SYT14: variants seen among roughly 807,000 people sequenced by gnomAD.
SYT14 encodes the protein synaptotagmin-14.
A neutral mutation model predicts 74.2 loss-of-function variants in SYT14; 32 were observed. The observed-to-expected ratio is 0.43, with a 90% CI of 0.33 to 0.58. The LOEUF (loss-of-function observed/expected upper bound fraction) is 0.58. Among genes scored for constraint, SYT14 ranks in the 20% least tolerant of loss-of-function variants. The pLI is 0.05. For missense variants in SYT14, 791 were observed against 981.8 expected, an observed-to-expected ratio of 0.81 and a Z score of 2.60; for synonymous variants, 298 against 337.7, an observed-to-expected ratio of 0.88 and a Z score of 1.29.
chr1:210,113,803 C>A (rs968554202), intron 7 of SYT14, among the ~76,000 whole-genome samples: 13 of 151,086 alleles, frequency 8.6e-5, no homozygotes, highest in Non-Finnish European at 1.5e-5. Context: ...GGGAGCTGGG[C>A]AGGTGGGGAT....
intron 5 of SYT14, among the ~76,000 whole-genome samples, chr1:210,039,639 A>G (rs2080743449): frequency 6.6e-6 from 1 of 152,218 alleles, no homozygotes; most frequent in Non-Finnish European, 1.5e-5. Flanking sequence ...TGTCCATCTG[A>G]CAAAGGACTA....
At chr1:210,164,484 G>T (rs2102738184) in exon 10 of SYT14, 1 of 163,462 alleles carries the variant, frequency 6.1e-6, no homozygotes, top group African/African-American at 2.4e-5. Flanking sequence ...TGCAAAGTAA[G>T]ATAGTACCAA....
chr1:210,045,813 A>G (rs2080873762), intron 5 of SYT14, among the ~76,000 whole-genome samples: 2 of 152,172 alleles, frequency 1.3e-5, no homozygotes, highest in Admixed American at 1.3e-4. Context: ...TATTCTAGGT[A>G]TAATATTTTT....
At chr1:210,058,867 A>AT (rs2081148155) in intron 5 of SYT14, among the ~76,000 whole-genome samples, 2 of 152,174 alleles carry the variant, frequency 1.3e-5, no homozygotes, top group African/African-American at 4.8e-5. Context: ...AGTAAAGAGG[A>AT]TTAAAAGTGC....
At chr1:210,033,727 T>A (rs1266320499) in intron 5 of SYT14, among the ~76,000 whole-genome samples, 1 of 151,814 alleles carries the variant, frequency 6.6e-6, no homozygotes, top group African/African-American at 2.4e-5. Flanking sequence ...TTTAGCTTTT[T>A]ATAATTTAAC....
intron 7 of SYT14, among the ~76,000 whole-genome samples, chr1:210,136,268 A>C (rs945831154): frequency 6.6e-6 from 1 of 152,090 alleles, no homozygotes; most frequent in Non-Finnish European, 1.5e-5. Flanking sequence ...GTGTGTGTGT[A>C]TGCGTGCATG....
intron 5 of SYT14, among the ~76,000 whole-genome samples, chr1:210,049,401 T>C (rs760641748): frequency 6.6e-6 from 1 of 152,030 alleles, no homozygotes; most frequent in Non-Finnish European, 1.5e-5. Context: ...TTTTTTTTTT[T>C]TAATCTTTTA....
chr1:210,164,495 T>G (rs911653771), exon 10 of SYT14: 1 of 159,232 alleles, frequency 6.3e-6, no homozygotes, highest in African/African-American at 2.4e-5. Flanking sequence ...ATAGTACCAA[T>G]AGGAGAAAGA....
chr1:210,015,220 A>G (rs947222995), intron 3 of SYT14, among the ~76,000 whole-genome samples: 3 of 152,138 alleles, frequency 2.0e-5, no homozygotes, highest in South Asian at 2.1e-4. Flanking sequence ...CTGCCTCTAC[A>G]TTCAATCTGT....
intron 2 of SYT14, among the ~76,000 whole-genome samples, chr1:209,955,111 G>T (rs1284727732): frequency 6.6e-6 from 1 of 152,080 alleles, no homozygotes; most frequent in African/African-American, 2.4e-5. Flanking sequence ...GTTTGGTCCT[G>T]GGCTTACTTC....
chr1:210,013,919 G>GT, intron 3 of SYT14, 122 bp downstream of exon 3: 1 of 956,126 alleles, frequency 1.0e-6, no homozygotes, highest in South Asian at 1.9e-5. Flanking sequence ...TTGAGCTACT[G>GT]TTCTGTAAAA....
chr1:209,968,131 T>C (rs891030259), intron 2 of SYT14, among the ~76,000 whole-genome samples: 4 of 152,146 alleles, frequency 2.6e-5, no homozygotes, highest in African/African-American at 9.7e-5. Flanking sequence ...ATCAGGTGCT[T>C]ATATCTATGC....
exon 10 of SYT14, chr1:210,161,954 T>C (rs1021464926): frequency 4.4e-6 from 2 of 453,668 alleles, no homozygotes; most frequent in Non-Finnish European, 8.8e-6. Context: ...GTAGATAAGC[T>C]GTCGAAAATG....
At chr1:210,060,810 T>C (rs935087323) in intron 5 of SYT14, among the ~76,000 whole-genome samples, 1 of 152,090 alleles carries the variant, frequency 6.6e-6, no homozygotes, top group Non-Finnish European at 1.5e-5. Flanking sequence ...TCTCCAGCTT[T>C]AATTGGCAGT....
At chr1:210,078,992 C>A (rs1472714715) in intron 5 of SYT14, among the ~76,000 whole-genome samples, 2 of 151,882 alleles carry the variant, frequency 1.3e-5, no homozygotes, top group Non-Finnish European at 2.9e-5. Flanking sequence ...TGAGCTCAAG[C>A]GATCAGCCCG....
intron 5 of SYT14, among the ~76,000 whole-genome samples, chr1:210,050,877 C>T (rs973381636): frequency 2.0e-5 from 3 of 152,182 alleles, no homozygotes; most frequent in African/African-American, 7.2e-5. Flanking sequence ...AGTTACCATT[C>T]AAGATGAGAT....
intron 5 of SYT14, among the ~76,000 whole-genome samples, chr1:210,061,006 A>G (rs192933626): frequency 2.7e-5 from 4 of 150,324 alleles, no homozygotes; most frequent in African/African-American, 1.0e-4. Context: ...CTGAAAAGAT[A>G]TGTTTTGTTT....
At chr1:209,978,413 T>G (rs1336944422) in intron 2 of SYT14, among the ~76,000 whole-genome samples, 1 of 152,212 alleles carries the variant, frequency 6.6e-6, no homozygotes, top group African/African-American at 2.4e-5. Flanking sequence ...TTGTTAGTTT[T>G]CCTTCTAACA....
At chr1:209,962,278 A>G (rs367932022) in intron 2 of SYT14, among the ~76,000 whole-genome samples, 1 of 151,578 alleles carries the variant, frequency 6.6e-6, no homozygotes, top group Non-Finnish European at 1.5e-5. Flanking sequence ...TTTTATATAT[A>G]TATATAGCTC....
Sources: allele counts gnomAD v4.1 joint callset (sites outside exome capture counted in the v4.1 genomes callset), GRCh38; gene constraint gnomAD v4.1.1; transcripts MANE v1.5; gene names NCBI Gene and HGNC (gene_info 2026-07-23, HGNC 2026-07-21).